The following MAP3K4 variants were observed in gnomAD, a reference collection of about 807,000 sequenced individuals.
MAP3K4 encodes the protein mitogen-activated protein kinase kinase kinase 4.
MAP3K4 carries 67 observed loss-of-function variants against 185.6 expected under a neutral mutation model. That is an observed-to-expected ratio of 0.36 (90% CI 0.30 to 0.44). MAP3K4 has a LOEUF of 0.44. MAP3K4 is among the 20% of genes least tolerant of loss of function. MAP3K4 has a pLI of 1.00. For missense variants in MAP3K4, 1,551 were observed against 1,995.1 expected, an observed-to-expected ratio of 0.78 and a Z score of 4.24; for synonymous variants, 702 against 710.4, an observed-to-expected ratio of 0.99 and a Z score of 0.19.
At position 161,097,957 on chromosome 6, in the gene MAP3K4, G is replaced by A. The variant is rs1454815561; in HGVS notation, c.3525-321G>A. 3.3e-5 allele frequency among the ~76,000 whole-genome samples: 5 copies of A among 151,652 alleles called. No individual in the cohort carries two copies. Among genetic ancestry groups the A allele is most frequent in the East Asian group, 1.9e-4 (1 of 5,164 alleles). On this transcript the variant is annotated intron_variant, in intron 16 of 26. Coordinates refer to ENST00000392142, the MANE Select transcript of MAP3K4 (RefSeq NM_005922.4). The surrounding 1 kb of genome is among the most constrained non-coding windows in gnomAD (Gnocchi z 4.9). ...AAGATAATAGCTGGGTATGGTGGCC[G>A]TGCCTGTAGTCCCAGCTACTCAGGA...
intron 15 of MAP3K4, among the ~76,000 whole-genome samples, chr6:161,094,339 GT>G (rs1310605267): frequency 6.6e-6 from 1 of 152,118 alleles, no homozygotes; most frequent in Non-Finnish European, 1.5e-5. Context: ...TGGTTTTACT[GT>G]TTAAAAAATC....
chr6:161,068,438 G>C (rs2114808638), intron 3 of MAP3K4, among the ~76,000 whole-genome samples: 1 of 152,318 alleles, frequency 6.6e-6, no homozygotes, highest in South Asian at 2.1e-4. Flanking sequence ...AGGCAGGTTT[G>C]TTATGGGTAA....
In MAP3K4 at chr6:161,008,366, C is replaced by G. The variant is rs377236277; in HGVS notation, c.152+16283C>G. On this transcript the variant is annotated intron_variant, in intron 1 of 26. Transcript: ENST00000392142. The surrounding 1 kb of genome is among the most constrained non-coding windows in gnomAD (Gnocchi z 4.1). ...TCAAGATGTTTTATTAGAGTAAAAT[C>G]CTGGAAATATAATTACTATACCAAA... Among the ~76,000 whole-genome samples the G allele has an allele frequency of 3.9e-5, 6 of 151,990 alleles. No individual in the cohort carries two copies. Among genetic ancestry groups the G allele is most frequent in the African/African-American group, 1.5e-4 (6 of 41,364 alleles).
Position 161,043,115 on chromosome 6 carries a change from C to G in MAP3K4, c.344-5501C>G, listed in dbSNP as rs187558737. ...TGGTAAAATGGTTACAAATCAGATT[C>G]AATCTATATAGCTAGTGAAATGTTT... On this transcript the variant is annotated intron_variant, in intron 2 of 26. Transcript: ENST00000392142. The surrounding 1 kb of genome is among the most constrained non-coding windows in gnomAD (Gnocchi z 4.3). 5.3e-5 allele frequency among the ~76,000 whole-genome samples: 8 copies of G among 152,168 alleles called. No individual in the cohort carries two copies. The highest frequency in any genetic ancestry group is 8.8e-5 in the Non-Finnish European group (6 of 68,028).
rs1777622747 is a variant in MAP3K4 at position 161,097,453 on chromosome 6, T to C, written c.3524+277T>C. On this transcript the variant is annotated intron_variant, in intron 16 of 26. Coordinates refer to ENST00000392142, the MANE Select transcript of MAP3K4 (RefSeq NM_005922.4). This position sits in a 1 kb window ranked among gnomAD's most constrained non-coding sequence, Gnocchi z 4.9. ...GCTTTCTGGCTGTGGAGTCATTTTT[T>C]CCTTTCCTGCCTTTGAAAAATAACC... Among the ~76,000 whole-genome samples, 1 of 152,218 alleles carries C rather than the reference T, an allele frequency of 6.6e-6. No homozygotes were observed. Among genetic ancestry groups the C allele is most frequent in the Admixed American group, 6.5e-5 (1 of 15,282 alleles).
intron 2 of MAP3K4, among the ~76,000 whole-genome samples, chr6:161,045,077 GGTAGA>G (rs2114750151): frequency 6.6e-6 from 1 of 152,264 alleles, no homozygotes; most frequent in South Asian, 2.1e-4. Flanking sequence ...CTACTGCTGA[GGTAGA>G]GTAATTGGTA....
Position 161,098,314 on chromosome 6 carries a change from C to A in MAP3K4, c.3561C>A (p.Gly1187=), listed in dbSNP as rs990717792. The A allele has an allele frequency of 6.4e-7, 1 of 1,565,084 alleles. No individual in the cohort carries two copies. ...RSMPSDARSH[G]SPAAAAAAAA... The stretch of plus-strand genomic sequence containing the variant: ...TGCCTTCCGACGCGCGGAGCCATGG[C>A]AGCCCTGCTGCTGCTGCTGCTGCTG... The change falls in exon 17 of 27, where the codon GGC becomes GGA. Residue 1187 remains glycine, a synonymous_variant. Coordinates refer to ENST00000392142, the MANE Select transcript of MAP3K4 (RefSeq NM_005922.4). The surrounding 1 kb of genome is among the most constrained non-coding windows in gnomAD (Gnocchi z 4.4).
At position 161,000,895 on chromosome 6, in the gene MAP3K4, A is replaced by C. The variant is rs1033185086; in HGVS notation, c.152+8812A>C. Among the ~76,000 whole-genome samples, 8 of 149,416 alleles carry C rather than the reference A, an allele frequency of 5.4e-5. No individual in the cohort carries two copies. The Middle Eastern group carries it at 0.014, about 265-fold the overall frequency. The stretch of plus-strand genomic sequence containing the variant: ...TACATATATGTATATTATACTATAC[A>C]TATATGTACACACACATATATAGTG... On this transcript the variant is annotated intron_variant, in intron 1 of 26. Coordinates refer to ENST00000392142, the MANE Select transcript of MAP3K4 (RefSeq NM_005922.4).
intron 6 of MAP3K4, among the ~76,000 whole-genome samples, chr6:161,083,023 C>G (rs1017453672): frequency 6.6e-6 from 1 of 152,178 alleles, no homozygotes; most frequent in Non-Finnish European, 1.5e-5. Flanking sequence ...CTTCTAGACC[C>G]TCCTGTCCTG....
At chr6:161,050,799 A>G (rs1426883544) in intron 3 of MAP3K4, among the ~76,000 whole-genome samples, 4 of 152,222 alleles carry the variant, frequency 2.6e-5, no homozygotes, top group Non-Finnish European at 5.9e-5. Flanking sequence ...TCGTCTGGCT[A>G]AAAGTGAAAC....
Position 161,063,448 on chromosome 6 carries a change from G to A in MAP3K4, c.1708-7160G>A, listed in dbSNP as rs1784567716. On this transcript the variant is annotated intron_variant, in intron 3 of 26. Coordinates refer to ENST00000392142, the MANE Select transcript of MAP3K4 (RefSeq NM_005922.4). This position sits in a 1 kb window ranked among gnomAD's most constrained non-coding sequence, Gnocchi z 5.4. ...TTTTAAACATGATACTTGTTTCCAT[G>A]AACTTAAAGGAGAGAGGGAGTTAGG... is the stretch of plus-strand genomic sequence containing the variant. Among the ~76,000 whole-genome samples the A allele has an allele frequency of 6.6e-6, 1 of 152,018 alleles. No homozygotes were observed. Among genetic ancestry groups the A allele is most frequent in the Admixed American group, 6.6e-5 (1 of 15,252 alleles).
Position 161,012,049 on chromosome 6 carries a change from T to C in MAP3K4, c.152+19966T>C, listed in dbSNP as rs144130767. ...CCCCACCCTCAGATTTAGCTGAAAT[T>C]AGGGTGGCCACGCATTTCGAGTCCA... is the stretch of plus-strand genomic sequence containing the variant. On this transcript the variant is annotated intron_variant, in intron 1 of 26. Coordinates refer to ENST00000392142, the MANE Select transcript of MAP3K4 (RefSeq NM_005922.4). 9.3e-4 allele frequency among the ~76,000 whole-genome samples: 141 copies of C among 152,302 alleles called. 1 individual carries two copies. The highest frequency in any genetic ancestry group is 3.2e-3 in the African/African-American group (133 of 41,566).
intron 7 of MAP3K4, among the ~76,000 whole-genome samples, chr6:161,085,855 TC>T (rs2114852935): frequency 6.6e-6 from 1 of 152,286 alleles, no homozygotes; most frequent in South Asian, 2.1e-4. Context: ...GAGCTGCTTC[TC>T]CCGGCTTGAG....
At chr6:161,046,314 TA>T (rs1458866401) in intron 2 of MAP3K4, among the ~76,000 whole-genome samples, 1 of 152,090 alleles carries the variant, frequency 6.6e-6, no homozygotes, top group Non-Finnish European at 1.5e-5. Context: ...AATAAAGGTA[TA>T]AAAAACACAG....
At chr6:161,045,212 G>T (rs1196496665) in intron 2 of MAP3K4, among the ~76,000 whole-genome samples, 2 of 151,928 alleles carry the variant, frequency 1.3e-5, no homozygotes, top group Admixed American at 6.6e-5. Flanking sequence ...ACCAACTTGG[G>T]TTTTGTTTTG....
intron 1 of MAP3K4, among the ~76,000 whole-genome samples, chr6:161,010,999 A>C (rs1273374191): frequency 6.6e-6 from 1 of 152,196 alleles, no homozygotes; most frequent in Non-Finnish European, 1.5e-5. Flanking sequence ...TGCTTTAGAC[A>C]CTTCATTGGT....
At chr6:160,998,384 AT>A (rs2115038231) in intron 1 of MAP3K4, among the ~76,000 whole-genome samples, 1 of 152,348 alleles carries the variant, frequency 6.6e-6, no homozygotes, top group South Asian at 2.1e-4. Context: ...CGTGTTACAC[AT>A]TTTATTTTAA....
At chr6:161,113,662 A>T (rs997532171) in intron 25 of MAP3K4, among the ~76,000 whole-genome samples, 2 of 152,176 alleles carry the variant, frequency 1.3e-5, no homozygotes, top group African/African-American at 4.8e-5. Context: ...TAATTTTTCT[A>T]TAAACCCAAA....
rs994467236 is a variant in MAP3K4, at chr6:161,080,783, G to C, written c.2098-98G>C. ...GCGTGCCTGTGACAGCCCCCGGCCC[G>C]CCCCCACTTTACCCTGCTGATGTGT... On this transcript the variant is annotated intron_variant, in intron 5 of 26. Coordinates refer to ENST00000392142, the MANE Select transcript of MAP3K4 (RefSeq NM_005922.4). This position sits in a 1 kb window ranked among gnomAD's most constrained non-coding sequence, Gnocchi z 4.8. The C allele has an allele frequency of 9.3e-7, 1 of 1,078,094 alleles. No homozygotes were observed. The highest frequency in any genetic ancestry group is 1.4e-6 in the Non-Finnish European group (1 of 726,952). 66.8% of individuals were successfully genotyped at this position (1,078,094 alleles called of 1,614,324 possible). A position where few individuals can be genotyped will look rare whatever the true frequency, so the allele number is the denominator to read the frequency against.
Sources: allele counts gnomAD v4.1 joint callset (sites outside exome capture counted in the v4.1 genomes callset), GRCh38; gene constraint gnomAD v4.1.1; non-coding constraint Gnocchi (gnomAD v3.1); transcripts MANE v1.5; gene names NCBI Gene and HGNC (gene_info 2026-07-23, HGNC 2026-07-21).